The following CEP120 variants were observed in gnomAD, a reference collection of about 807,000 sequenced individuals.
CEP120 encodes centrosomal protein of 120 kDa.
A neutral mutation model predicts 126.5 loss-of-function variants in CEP120; 113 were observed. The ratio of observed to expected loss-of-function variants is 0.89; its 90% confidence interval spans 0.77 to 1.04. CEP120 has a LOEUF of 1.04. Ranked by LOEUF, CEP120 falls within the 50% of genes least tolerant of loss-of-function variation. The pLI is 0.00. For synonymous variants in CEP120, 400 were observed against 394.3 expected, an observed-to-expected ratio of 1.01 and a Z score of -0.17; for missense variants, 1,230 against 1,155.7, an observed-to-expected ratio of 1.06 and a Z score of -0.93.
At chr5:123,393,602 T>G in intron 5 of CEP120, 105 bp from the exon 6 acceptor site, 1 of 912,522 alleles carries the variant, frequency 1.1e-6, no homozygotes, top group Non-Finnish European at 1.6e-6. Flanking sequence ...GTTTTTTTAT[T>G]TGATGTCTTA....
chr5:123,390,139 G>C lies in CEP120; in HGVS notation c.1040C>G (p.Ser347Cys), dbSNP rs768696922. 12 of 1,587,772 alleles carry C rather than the reference G, an allele frequency of 7.6e-6. No homozygotes were observed. The South Asian group carries it at 1.3e-4, about 17-fold the overall frequency. The change falls in exon 8 of 20, where the codon TCT becomes TGT. Residue 347 changes from serine (S) to cysteine (C), a missense_variant and splice_region_variant. Physicochemically the swap from Ser to Cys is moderately radical, Grantham distance 112. Transcript: ENST00000306467. ...ATTCTGGGTCTTTAATTCAATTAAA[G>C]ACTAAAAACAATTTTTAAATAAAGT... Reference protein sequence around the residue: ...ALQREGIDSQSLIELKTQNEH... With the variant: ...ALQREGIDSQCLIELKTQNEH...
Position 123,409,992 on chromosome 5 carries a change from C to CCACACACA in CEP120, c.463+2399_463+2406dup, listed in dbSNP as rs552203939. 5.7e-3 allele frequency among the ~76,000 whole-genome samples: 474 copies of CCACACACA among 83,750 alleles called. 7 individuals are homozygous for CCACACACA. The highest frequency in any genetic ancestry group is 0.014 in the East Asian group (35 of 2,444). 54.9% of individuals were successfully genotyped at this position (83,750 alleles called of 152,430 possible). ...CAAGCAAAAAAAAAAAAAAAAAAAA[C>CCACACACA]CACACACACACACACACACACACAA... On this transcript the variant is annotated intron_variant, in intron 4 of 19. Transcript: ENST00000306467.
chr5:123,412,598 G>C, intron 3 of CEP120, 58 bp from the exon 4 acceptor site: 1 of 1,273,104 alleles, frequency 7.9e-7, no homozygotes, highest in South Asian at 1.6e-5. Context: ...AAACATATTG[G>C]GAAATGCTAT....
chr5:123,371,628 GAA>G (rs906366188), intron 17 of CEP120, among the ~76,000 whole-genome samples: 2 of 152,070 alleles, frequency 1.3e-5, no homozygotes, highest in African/African-American at 4.8e-5. Flanking sequence ...AGGATGGCCT[GAA>G]GGAAGCTGGA....
chr5:123,406,722 T>C (rs1270914417), intron 4 of CEP120, among the ~76,000 whole-genome samples: 1 of 151,610 alleles, frequency 6.6e-6, no homozygotes, highest in African/African-American at 2.4e-5. Flanking sequence ...GCAAGAAATA[T>C]TAAAAAGTTC....
rs188943377 is a variant in CEP120, at chr5:123,382,228, C to T, written c.2014-28G>A. ...ACAAAAGGAAGAAAAATAAAGTCGC[C>T]AAAAAACCCCAAATATGTCAAATAA... On this transcript the variant is annotated intron_variant, in intron 13 of 19. Coordinates refer to ENST00000306467, the MANE Select transcript of CEP120 (RefSeq NM_001375405.1). The T allele has an allele frequency of 2.1e-5, 29 of 1,388,496 alleles. No homozygotes were observed. In the Admixed American group the frequency reaches 4.1e-4, roughly 20 times the overall value. The allele number at this position is 1,388,496 out of a possible 1,614,324, so 86.0% of individuals were successfully genotyped here. A position where few individuals can be genotyped will look rare whatever the true frequency, so the allele number is the denominator to read the frequency against.
rs536741205 is a variant in CEP120 at position 123,382,894 on chromosome 5, G to C, written c.1861-5C>G. On this transcript the variant is annotated splice_region_variant and splice_polypyrimidine_tract_variant and intron_variant, in intron 12 of 19. Coordinates refer to ENST00000306467, the MANE Select transcript of CEP120 (RefSeq NM_001375405.1). ...TTGCTGTACGGCAGATACACCCTAA[G>C]AGATGAACCAAAAAGTACATTTAAA... The C allele has an allele frequency of 1.1e-5, 18 of 1,611,944 alleles. No homozygotes were observed. Among genetic ancestry groups the C allele is most frequent in the Non-Finnish European group, 1.4e-5 (17 of 1,179,210 alleles).
Position 123,422,386 on chromosome 5 carries a change from C to T in CEP120, c.49+564G>A, listed in dbSNP as rs1313495330. The T allele has an allele frequency of 1.2e-5, 11 of 889,858 alleles. No individual in the cohort carries two copies. In the East Asian group the frequency reaches 2.9e-4, roughly 23 times the overall value. 55.1% of individuals were successfully genotyped at this position (889,858 alleles called of 1,614,324 possible). The stretch of plus-strand genomic sequence containing the variant: ...CATCCTTAGCTTTTTAGAATCAGGA[C>T]TGTTTCATTCTTACATTCCCAGCAC... On this transcript the variant is annotated intron_variant, in intron 1 of 19. Transcript: ENST00000306467.
At chr5:123,398,629 C>T (rs867822338) in intron 5 of CEP120, among the ~76,000 whole-genome samples, 1 of 152,172 alleles carries the variant, frequency 6.6e-6, no homozygotes. Context: ...TATTCATGTT[C>T]TTGCTCTGCT....
chr5:123,355,517 TGCGTTTCTCTGATGGCCAGTGATGATGA>T (rs1337860261), intron 18 of CEP120, among the ~76,000 whole-genome samples: 1 of 152,208 alleles, frequency 6.6e-6, no homozygotes. Context: ...GGCTTTGATT[TGCGTTTCTCTGATGGCCAGTGATGATGA>T]GCATTTTTTC....
chr5:123,348,920 A>G (rs1769013466), intron 19 of CEP120, among the ~76,000 whole-genome samples: 1 of 152,166 alleles, frequency 6.6e-6, no homozygotes, highest in Admixed American at 6.5e-5. Flanking sequence ...TCTAGCCTCT[A>G]GTACTGTGAG....
At chr5:123,367,264 T>G (rs76507177) in intron 17 of CEP120, among the ~76,000 whole-genome samples, 3,339 of 151,960 alleles carry the variant, frequency 0.022, 138 homozygotes, top group African/African-American at 0.077. Flanking sequence ...CACCAAATAT[T>G]CTTACATACA....
At chr5:123,399,372 G>T in intron 4 of CEP120, 88 bp from the exon 5 acceptor site, 1 of 1,309,408 alleles carries the variant, frequency 7.6e-7, no homozygotes, top group Non-Finnish European at 1.1e-6. Flanking sequence ...TTTGTAATTT[G>T]CTTGGTAATT....
In CEP120 at chr5:123,423,210, C is replaced by G; in HGVS notation, c.-212G>C. On this transcript the variant is annotated 5_prime_UTR_variant, in exon 1 of 20. Transcript: ENST00000306467. The stretch of plus-strand genomic sequence containing the variant: ...CGCCAGCCCAGATCCTAACTGTGCC[C>G]CGACTCAAGGAAAAAGCCACGCTGC... 1 of 573,024 alleles carries G rather than the reference C, an allele frequency of 1.7e-6. No individual in the cohort carries two copies. The highest frequency in any genetic ancestry group is 3.1e-6 in the Non-Finnish European group (1 of 320,422). The allele number at this position is 573,024 out of a possible 1,614,324, so 35.5% of individuals were successfully genotyped here.
chr5:123,398,220 C>T (rs1772926063), intron 5 of CEP120, among the ~76,000 whole-genome samples: 1 of 151,990 alleles, frequency 6.6e-6, no homozygotes, highest in East Asian at 1.9e-4. Flanking sequence ...TCTGTAAAAC[C>T]AAGTTGATGG....
intron 16 of CEP120, 32 bp downstream of exon 16, chr5:123,377,342 A>G: frequency 6.3e-7 from 1 of 1,588,686 alleles, no homozygotes; most frequent in South Asian, 1.2e-5. Flanking sequence ...AAATAAACTA[A>G]GCATAAAAAG....
rs764318008 is a variant in CEP120 at position 123,386,605 on chromosome 5, C to T, written c.1493G>A (p.Arg498Gln). The change falls in exon 10 of 20, where the codon CGG (arginine) becomes CAG (glutamine). Residue 498 changes from arginine (R) to glutamine (Q), a missense_variant. Physicochemically the swap from Arg to Gln is conservative, Grantham distance 43 (BLOSUM62 1). Transcript: ENST00000306467. ...GGGAAGAAAAACTTCCATGTTTTTC[C>T]GAACTTCTACAGGAGGATTAGTCAT... ...PIMTNPPVEV[R>Q]KNMEVFLPQS... 19 of 1,584,300 alleles carry T rather than the reference C, an allele frequency of 1.2e-5. No individual in the cohort carries two copies. The highest frequency in any genetic ancestry group is 4.5e-5 in the South Asian group (4 of 87,940).
intron 17 of CEP120, among the ~76,000 whole-genome samples, chr5:123,370,147 T>C (rs1223754780): frequency 6.6e-6 from 1 of 152,036 alleles, no homozygotes; most frequent in African/African-American, 2.4e-5. Flanking sequence ...AGCTATAACA[T>C]GGTTTCTGCC....
intron 5 of CEP120, among the ~76,000 whole-genome samples, chr5:123,397,623 G>A (rs7711753): frequency 0.4 from 60,581 of 152,032 alleles, 12,218 homozygotes; most frequent in East Asian, 0.48. Context: ...AATGCTCAAA[G>A]AACACCAAGT....
Sources: allele counts gnomAD v4.1 joint callset (sites outside exome capture counted in the v4.1 genomes callset), GRCh38; gene constraint gnomAD v4.1.1; transcripts MANE v1.5; gene names NCBI Gene and HGNC (gene_info 2026-07-23, HGNC 2026-07-21).